Variants in CUEDC1 observed in about 807,000 individuals in gnomAD.
CUEDC1 encodes CUE domain-containing protein 1.
In CUEDC1, 30 loss-of-function variants were observed where a neutral mutation model predicts 43.7. That is an observed-to-expected ratio of 0.69 (90% CI 0.51 to 0.93). The LOEUF (loss-of-function observed/expected upper bound fraction) is 0.93, where lower values mean the gene tolerates loss of function less well. CUEDC1 is among the 40% of genes least tolerant of loss of function. The pLI is 0.00. For synonymous variants in CUEDC1, 223 were observed against 223.6 expected, an observed-to-expected ratio of 1.00 and a Z score of 0.02; for missense variants, 486 against 549.0, an observed-to-expected ratio of 0.89 and a Z score of 1.15.
At chr17:57,895,502 AC>A (rs1479663917) in intron 1 of CUEDC1, among the ~76,000 whole-genome samples, 2 of 152,080 alleles carry the variant, frequency 1.3e-5, no homozygotes, top group African/African-American at 4.8e-5. Context: ...TCCTCACAAA[AC>A]CTTTTTCCCA....
chr17:57,863,397 G>A (rs1375756964), intron 10 of CUEDC1, 112 bp from the exon 11 acceptor site: 2 of 152,222 alleles, frequency 1.3e-5, no homozygotes, highest in Non-Finnish European at 2.9e-5. Context: ...AAAGACGTAA[G>A]CCCTCTCCTT....
chr17:57,908,726 A>G (rs894453312), intron 1 of CUEDC1, among the ~76,000 whole-genome samples: 3 of 152,044 alleles, frequency 2.0e-5, no homozygotes, highest in Admixed American at 6.6e-5. Flanking sequence ...GACCAGGTGC[A>G]GTGGCTTACG....
At chr17:57,889,874 G>A (rs1270348120) in intron 1 of CUEDC1, among the ~76,000 whole-genome samples, 1 of 152,210 alleles carries the variant, frequency 6.6e-6, no homozygotes, top group East Asian at 1.9e-4. Flanking sequence ...CTAAGCTCAG[G>A]GCAGAGTCTG....
intron 10 of CUEDC1, 63 bp downstream of exon 10, chr17:57,866,411 G>A (rs2073958189): frequency 6.7e-7 from 1 of 1,492,878 alleles, no homozygotes; most frequent in Non-Finnish European, 9.3e-7. Context: ...GACATGTGGG[G>A]TGCATAGTGT....
At chr17:57,922,003 T>C (rs1262234670) in intron 1 of CUEDC1, among the ~76,000 whole-genome samples, 1 of 152,068 alleles carries the variant, frequency 6.6e-6, no homozygotes, top group Non-Finnish European at 1.5e-5. Flanking sequence ...GTTCCAGCTA[T>C]TCAGGAGGCT....
At chr17:57,924,355 C>T (rs972934492) in intron 1 of CUEDC1, among the ~76,000 whole-genome samples, 20 of 152,304 alleles carry the variant, frequency 1.3e-4, no homozygotes, top group East Asian at 5.8e-4. Context: ...CTGCCCGCCT[C>T]GGCCTCCCAA....
chr17:57,939,572 G>A (rs550457144), intron 1 of CUEDC1, among the ~76,000 whole-genome samples: 26 of 152,168 alleles, frequency 1.7e-4, no homozygotes, highest in African/African-American at 5.1e-4. Context: ...GAACCATTTC[G>A]CCTGACCTGA....
chr17:57,884,461 G>T (rs1597982205), intron 2 of CUEDC1, among the ~76,000 whole-genome samples: 1 of 151,756 alleles, frequency 6.6e-6, no homozygotes. Flanking sequence ...CTCCCAAAGT[G>T]CTGGGATTAC....
intron 1 of CUEDC1, among the ~76,000 whole-genome samples, chr17:57,907,047 G>C (rs1416849948): frequency 6.6e-6 from 1 of 151,628 alleles, no homozygotes; most frequent in Admixed American, 6.6e-5. Flanking sequence ...GGGCTATTTA[G>C]AGAGAGGGCA....
At position 57,930,945 on chromosome 17, in the gene CUEDC1, C is replaced by A. The variant is rs2074797651; in HGVS notation, c.-316+24280G>T. The stretch of plus-strand genomic sequence containing the variant: ...CACTAAAGACCTTCTTCCTTAGTGC[C>A]AACCTCAGTCTCTCCTAGTTCCATT... On this transcript the variant is annotated intron_variant, in intron 1 of 10. Transcript: ENST00000577830. This position sits in a 1 kb window ranked among gnomAD's most constrained non-coding sequence, Gnocchi z 4.2. Among the ~76,000 whole-genome samples, 1 of 152,132 alleles carries A rather than the reference C, an allele frequency of 6.6e-6. No homozygotes were observed. The highest frequency in any genetic ancestry group is 2.4e-5 in the African/African-American group (1 of 41,408).
chr17:57,863,434 G>A (rs1215891776), intron 10 of CUEDC1, 149 bp from the exon 11 acceptor site: 2 of 152,240 alleles, frequency 1.3e-5, no homozygotes, highest in Non-Finnish European at 2.9e-5. Flanking sequence ...GTCAACCGTA[G>A]AACTCTGCCT....
intron 1 of CUEDC1, among the ~76,000 whole-genome samples, chr17:57,942,636 G>A (rs566418615): frequency 3.3e-5 from 5 of 151,926 alleles, no homozygotes; most frequent in Non-Finnish European, 4.4e-5. Flanking sequence ...TGATCCACCC[G>A]CCTTGGTCTC....
At chr17:57,867,620 T>C in intron 8 of CUEDC1, 1 of 595,160 alleles carries the variant, frequency 1.7e-6, no homozygotes, top group East Asian at 2.8e-5. Context: ...TCGCCCAGCT[T>C]ACATCTCTGG....
intron 1 of CUEDC1, among the ~76,000 whole-genome samples, chr17:57,932,281 CAAAAAAAAAAA>C (rs56137797): frequency 8.2e-6 from 1 of 121,946 alleles, no homozygotes; most frequent in Non-Finnish European, 1.6e-5. Context: ...CACTGTGTCT[CAAAAAAAAAAA>C]AAAAAAAAAA....
intron 1 of CUEDC1, among the ~76,000 whole-genome samples, chr17:57,939,469 A>G (rs2586086): frequency 0.94 from 135,809 of 145,066 alleles, 63,752 homozygotes; most frequent in East Asian, 1. Flanking sequence ...GTGGGGGGAG[A>G]GGGTCTCACT....
At chr17:57,867,454 GGAC>G (rs1328857264) in intron 8 of CUEDC1, 39 bp from the exon 9 acceptor site, 11 of 1,534,656 alleles carry the variant, frequency 7.2e-6, no homozygotes, top group Non-Finnish European at 8.8e-6. Flanking sequence ...AGGGATGAGG[GGAC>G]ACTGCCCTAG....
chr17:57,894,573 A>G (rs2074389839), intron 1 of CUEDC1, among the ~76,000 whole-genome samples: 1 of 152,176 alleles, frequency 6.6e-6, no homozygotes, highest in Non-Finnish European at 1.5e-5. Flanking sequence ...TGGGAGGCTG[A>G]GGCACTTGAA....
chr17:57,882,428 T>C (rs1318190983), intron 2 of CUEDC1, among the ~76,000 whole-genome samples: 2 of 152,046 alleles, frequency 1.3e-5, no homozygotes, highest in East Asian at 1.9e-4. Flanking sequence ...TGGTGAAGCC[T>C]TGCAGAGGTC....
At chr17:57,878,542 A>G (rs2074159948) in intron 3 of CUEDC1, among the ~76,000 whole-genome samples, 1 of 152,154 alleles carries the variant, frequency 6.6e-6, no homozygotes, top group Non-Finnish European at 1.5e-5. Context: ...CAGCAGCTCT[A>G]GGGCAAAGAG....
Sources: allele counts gnomAD v4.1 joint callset (sites outside exome capture counted in the v4.1 genomes callset), GRCh38; gene constraint gnomAD v4.1.1; non-coding constraint Gnocchi (gnomAD v3.1); transcripts MANE v1.5; gene names NCBI Gene and HGNC (gene_info 2026-07-23, HGNC 2026-07-21).